Variants in SLC24A2 observed in about 807,000 individuals in gnomAD.
SLC24A2 encodes solute carrier family 24 member 2, also known as sodium/potassium/calcium exchanger 2.
A neutral mutation model predicts 62.0 loss-of-function variants in SLC24A2; 36 were observed. The observed-to-expected ratio is 0.58, with a 90% confidence interval of 0.44 to 0.77. The LOEUF is 0.77. Ranked by LOEUF, SLC24A2 falls within the 30% of genes least tolerant of loss-of-function variation. The probability of loss-of-function intolerance (pLI) is 0.00; values close to 1 mark genes in which losing one functional copy is unlikely to be tolerated. For synonymous variants in SLC24A2, 358 were observed against 294.0 expected, an observed-to-expected ratio of 1.22 and a Z score of -2.23; for missense variants, 846 against 817.9, an observed-to-expected ratio of 1.03 and a Z score of -0.42.
chr9:20,303,652 A>C, the SLC24A2 span, among the ~76,000 whole-genome samples: 215 of 152,324 alleles, frequency 1.4e-3, no homozygotes, highest in Non-Finnish European at 2.7e-3. Flanking sequence ...TCCAACCCTT[A>C]GCTGCCCAAT....
chr9:19,677,598 T>C (rs1255846206), intron 2 of SLC24A2, among the ~76,000 whole-genome samples: 1 of 152,156 alleles, frequency 6.6e-6, no homozygotes, highest in African/African-American at 2.4e-5. Context: ...AAGTTTTTCA[T>C]TAGAAAATTC....
At chr9:19,780,852 G>T (rs1446594191) in intron 2 of SLC24A2, among the ~76,000 whole-genome samples, 3 of 116,422 alleles carry the variant, frequency 2.6e-5, no homozygotes, top group Admixed American at 1.3e-4. Context: ...CAGCCTGGGC[G>T]ACAAAGCGAG....
chr9:20,159,005 G>A, the SLC24A2 span, among the ~76,000 whole-genome samples: 11 of 151,598 alleles, frequency 7.3e-5, no homozygotes, highest in Admixed American at 7.3e-4. Context: ...AATTATCTGT[G>A]AGGGCAAAAA....
chr9:20,002,912 G>T, the SLC24A2 span, among the ~76,000 whole-genome samples: 1 of 152,170 alleles, frequency 6.6e-6, no homozygotes, highest in Non-Finnish European at 1.5e-5. Context: ...TGACTCTACG[G>T]ATGTACAACC....
chr9:19,917,805 T>A, the SLC24A2 span, among the ~76,000 whole-genome samples: 11 of 152,266 alleles, frequency 7.2e-5, no homozygotes, highest in African/African-American at 2.6e-4. Context: ...TATTACGTTG[T>A]CTCTTCATTT....
At position 19,606,797 on chromosome 9, in the gene SLC24A2, C is replaced by T. The variant is rs117817708; in HGVS notation, c.1079-9518G>A. ...AGCCCGGGGACAACCTGTGAAGGAC[C>T]GTTTGTTGTGGGTGGGAGAATTCTT... On this transcript the variant is annotated intron_variant, in intron 4 of 10. Coordinates refer to ENST00000341998, the MANE Select transcript of SLC24A2 (RefSeq NM_020344.4). Among the ~76,000 whole-genome samples the T allele has an allele frequency of 4.0e-3, 612 of 152,242 alleles. 14 individuals are homozygous for T. In the East Asian group the frequency reaches 0.067, roughly 17 times the overall value.
At chr9:19,995,259 T>G in the SLC24A2 span, among the ~76,000 whole-genome samples, 1 of 152,204 alleles carries the variant, frequency 6.6e-6, no homozygotes, top group Admixed American at 6.5e-5. Context: ...ATTAAAATAT[T>G]AATCAATTCA....
At position 19,662,608 on chromosome 9, in the gene SLC24A2, G is replaced by A. The variant is rs897883356; in HGVS notation, c.931-40309C>T. Among the ~76,000 whole-genome samples, 11 of 152,090 alleles carry A rather than the reference G, an allele frequency of 7.2e-5. No homozygotes were observed. In the East Asian group the frequency reaches 1.7e-3, roughly 24 times the overall value. On this transcript the variant is annotated intron_variant, in intron 2 of 10. Transcript: ENST00000341998. ...ACGAAGGAGTGTGCTTTAATTTTCC[G>A]CAGAGTACACTGAGATGCTTGTAGT...
At chr9:19,708,009 T>C (rs4436205) in intron 2 of SLC24A2, among the ~76,000 whole-genome samples, 21,797 of 152,150 alleles carry the variant, frequency 0.14, 2,467 homozygotes, top group African/African-American at 0.32. Flanking sequence ...TAAAACCCCA[T>C]TGTCTCAGCC....
the SLC24A2 span, among the ~76,000 whole-genome samples, chr9:20,147,574 T>C: frequency 6.6e-6 from 1 of 152,166 alleles, no homozygotes; most frequent in Non-Finnish European, 1.5e-5. Context: ...CCGTAAATTC[T>C]TGATCAAACA....
rs567984503 is a variant in SLC24A2, at chr9:19,515,614, G to A, written c.*539C>T. On this transcript the variant is annotated 3_prime_UTR_variant, in exon 11 of 11. Coordinates refer to ENST00000341998, the MANE Select transcript of SLC24A2 (RefSeq NM_020344.4). ...GGTAAAGCCCAGACTGCAAGTTGAT[G>A]CCCCTCTTCAAATAAGTACTATAAA... 6.6e-6 allele frequency: 1 copy of A among 152,236 alleles called. No homozygotes were observed. The highest frequency in any genetic ancestry group is 6.6e-5 in the Admixed American group (1 of 15,266). 9.4% of individuals were successfully genotyped at this position (152,236 alleles called of 1,614,324 possible).
In SLC24A2 at chr9:19,516,129, TG is replaced by T. The variant is rs1176855792; in HGVS notation, c.*23del. On this transcript the variant is annotated 3_prime_UTR_variant, in exon 11 of 11. Transcript: ENST00000341998. ...AGTGTGGAGGGACCATTCATGCTGC[TG>T]GTGCAAGATATGGCTTTTCCTGCTA... The T allele has an allele frequency of 1.2e-6, 2 of 1,613,802 alleles. No individual in the cohort carries two copies. Among genetic ancestry groups the T allele is most frequent in the Middle Eastern group, 1.6e-4 (1 of 6,082 alleles).
At chr9:20,242,172 C>G in the SLC24A2 span, among the ~76,000 whole-genome samples, 14 of 152,266 alleles carry the variant, frequency 9.2e-5, no homozygotes, top group South Asian at 1.0e-3. Flanking sequence ...CCAACATTAA[C>G]TTGACTAAAA....
rs1004658777 is a variant in SLC24A2 at position 19,772,765 on chromosome 9, G to A, written c.930+13172C>T. 2.6e-5 allele frequency among the ~76,000 whole-genome samples: 4 copies of A among 152,128 alleles called. No individual in the cohort carries two copies. The East Asian group carries it at 5.8e-4, about 22-fold the overall frequency. ...ACACAGGAAAGCAAAATGGTCCAGG[G>A]GCTTTGGAAAACAGTTGGCAGTTCC... On this transcript the variant is annotated intron_variant, in intron 2 of 10. Transcript: ENST00000341998.
At chr9:19,575,674 G>A (rs564377204) in intron 6 of SLC24A2, among the ~76,000 whole-genome samples, 129 of 152,340 alleles carry the variant, frequency 8.5e-4, no homozygotes, top group African/African-American at 3.0e-3. Context: ...TTGGCATTAA[G>A]TGTCCTACCT....
the SLC24A2 span, among the ~76,000 whole-genome samples, chr9:20,057,653 T>C: frequency 6.6e-6 from 1 of 152,214 alleles, no homozygotes; most frequent in Admixed American, 6.5e-5. Flanking sequence ...TTCTTAATAA[T>C]GAAAATTTAC....
At chr9:19,771,231 T>C (rs1371645428) in intron 2 of SLC24A2, among the ~76,000 whole-genome samples, 6 of 152,322 alleles carry the variant, frequency 3.9e-5, no homozygotes, top group African/African-American at 1.4e-4. Flanking sequence ...TTTATGATTC[T>C]GCACCAGGGA....
At chr9:19,641,943 T>C (rs1204227760) in intron 2 of SLC24A2, among the ~76,000 whole-genome samples, 4 of 152,150 alleles carry the variant, frequency 2.6e-5, no homozygotes, top group Non-Finnish European at 5.9e-5. Flanking sequence ...AAATGTGCCT[T>C]CATTTTTTTA....
At chr9:19,812,541 A>G in the SLC24A2 span, among the ~76,000 whole-genome samples, 1 of 152,132 alleles carries the variant, frequency 6.6e-6, no homozygotes, top group Non-Finnish European at 1.5e-5. Flanking sequence ...CTAATTATAT[A>G]ATACATTTCT....
Sources: gnomAD v4.1 joint callset for allele counts (sites outside exome capture counted in the v4.1 genomes callset) on GRCh38, gnomAD v4.1.1 for gene constraint, MANE v1.5 for transcripts, NCBI Gene and HGNC (gene_info 2026-07-23, HGNC 2026-07-21) for gene names.